ZCCHC17: variants seen among roughly 807,000 people sequenced by gnomAD.
ZCCHC17 encodes the protein zinc finger CCHC domain-containing protein 17.
ZCCHC17 carries 18 observed loss-of-function variants against 30.6 expected under a neutral mutation model. The observed-to-expected ratio is 0.59, with a 90% CI of 0.41 to 0.87. ZCCHC17 has a LOEUF of 0.87. Among genes scored for constraint, ZCCHC17 ranks in the 40% least tolerant of loss-of-function variants. ZCCHC17 has a pLI of 0.00. For missense variants in ZCCHC17, 263 were observed against 284.2 expected (o/e 0.93, Z 0.54); for synonymous variants, 88 against 92.4 (o/e 0.95, Z 0.27).
intron 5 of ZCCHC17, among the ~76,000 whole-genome samples, chr1:31,339,999 C>G (rs577144853): frequency 6.2e-4 from 77 of 125,084 alleles, no homozygotes; most frequent in African/African-American, 2.1e-3. Context: ...TGGGGTCGCC[C>G]AGGTTGGAGT....
chr1:31,315,386 A>C (rs1411722248), intron 2 of ZCCHC17, among the ~76,000 whole-genome samples: 1 of 152,180 alleles, frequency 6.6e-6, no homozygotes, highest in East Asian at 1.9e-4. Context: ...GTAATTAAAT[A>C]GCTGAGAAGC....
chr1:31,354,322 C>A (rs1639567967), intron 7 of ZCCHC17, among the ~76,000 whole-genome samples: 1 of 152,128 alleles, frequency 6.6e-6, no homozygotes, highest in African/African-American at 2.4e-5. Flanking sequence ...CTCGTTCTAA[C>A]AGGATTTTTT....
At chr1:31,335,014 T>C (rs1638756926) in intron 3 of ZCCHC17, among the ~76,000 whole-genome samples, 1 of 152,230 alleles carries the variant, frequency 6.6e-6, no homozygotes, top group Non-Finnish European at 1.5e-5. Flanking sequence ...AGAAACTTAA[T>C]TGGGAAACAT....
chr1:31,353,071 G>A (rs140979127), intron 7 of ZCCHC17, among the ~76,000 whole-genome samples: 33 of 152,258 alleles, frequency 2.2e-4, no homozygotes, highest in Admixed American at 1.2e-3. Flanking sequence ...ATCCTAATGC[G>A]TGTAAAGTGA....
chr1:31,302,087 G>A (rs993472646), intron 1 of ZCCHC17, among the ~76,000 whole-genome samples: 5 of 152,140 alleles, frequency 3.3e-5, no homozygotes, highest in East Asian at 1.9e-4. Flanking sequence ...AATTAGCTGG[G>A]CATGGTGTTG....
At chr1:31,319,043 G>C in intron 2 of ZCCHC17, 66 bp from the exon 3 acceptor site, 1 of 1,558,214 alleles carries the variant, frequency 6.4e-7, no homozygotes, top group South Asian at 1.2e-5. Context: ...GGGGAGACTA[G>C]GTTAAATGCT....
At chr1:31,303,112 AC>A (rs1051242321) in intron 1 of ZCCHC17, among the ~76,000 whole-genome samples, 6 of 140,740 alleles carry the variant, frequency 4.3e-5, no homozygotes, top group Admixed American at 2.1e-4. Context: ...TCCAGTCTCT[AC>A]CCCCCCTCAA....
chr1:31,342,671 T>G (rs1316971930), intron 5 of ZCCHC17, among the ~76,000 whole-genome samples: 1 of 152,198 alleles, frequency 6.6e-6, no homozygotes, highest in Non-Finnish European at 1.5e-5. Context: ...TAATGCTCCT[T>G]CACCTGCTGC....
At chr1:31,304,272 C>CTTT (rs5773350) in intron 1 of ZCCHC17, among the ~76,000 whole-genome samples, 9 of 146,642 alleles carry the variant, frequency 6.1e-5, no homozygotes, top group Non-Finnish European at 9.0e-5. Context: ...GTTATATACT[C>CTTT]TTTTTTTTTT....
chr1:31,340,771 T>C (rs889056187), intron 5 of ZCCHC17, among the ~76,000 whole-genome samples: 4 of 152,246 alleles, frequency 2.6e-5, no homozygotes, highest in East Asian at 1.9e-4. Flanking sequence ...ATGACAATTA[T>C]GTCATTGATG....
At chr1:31,319,276 T>G (rs900286622) in intron 3 of ZCCHC17, 110 bp downstream of exon 3, 18 of 917,616 alleles carry the variant, frequency 2.0e-5, no homozygotes, top group Non-Finnish European at 1.8e-5. Flanking sequence ...TTTCATTCCT[T>G]TGTTTTCTTT....
intron 1 of ZCCHC17, among the ~76,000 whole-genome samples, chr1:31,304,267 A>G (rs1646389838): frequency 7.2e-6 from 1 of 138,566 alleles, no homozygotes; most frequent in African/African-American, 2.5e-5. Flanking sequence ...TTAATGTTAT[A>G]TACTCTTTTT....
At chr1:31,305,678 G>A (rs891954520) in intron 1 of ZCCHC17, among the ~76,000 whole-genome samples, 6 of 152,096 alleles carry the variant, frequency 3.9e-5, no homozygotes, top group African/African-American at 1.2e-4. Context: ...CTGGTCTCAA[G>A]CATTCCTTCC....
chr1:31,319,373 A>G (rs78262206), intron 3 of ZCCHC17, among the ~76,000 whole-genome samples: 1,548 of 152,316 alleles, frequency 0.01, 16 homozygotes, highest in Non-Finnish European at 0.013. Flanking sequence ...AGACTGGGGT[A>G]TAGCTAACTG....
chr1:31,315,579 A>G (rs1646713946), intron 2 of ZCCHC17, among the ~76,000 whole-genome samples: 1 of 152,206 alleles, frequency 6.6e-6, no homozygotes, highest in Admixed American at 6.5e-5. Flanking sequence ...CTAGAAGTAA[A>G]AAAAAAGTCT....
At chr1:31,311,373 A>G (rs777684500) in intron 2 of ZCCHC17, among the ~76,000 whole-genome samples, 1 of 152,200 alleles carries the variant, frequency 6.6e-6, no homozygotes, top group Non-Finnish European at 1.5e-5. Flanking sequence ...GCTCGTAGTC[A>G]AGACACACTG....
chr1:31,310,814 A>G (rs1191007695), intron 2 of ZCCHC17, among the ~76,000 whole-genome samples: 5 of 152,232 alleles, frequency 3.3e-5, no homozygotes, highest in African/African-American at 9.6e-5. Context: ...CAACAAATAG[A>G]ACCACTATCC....
At chr1:31,327,984 C>T (rs919824557) in intron 3 of ZCCHC17, among the ~76,000 whole-genome samples, 2 of 152,048 alleles carry the variant, frequency 1.3e-5, no homozygotes, top group African/African-American at 4.8e-5. Flanking sequence ...CCCCCGGAAT[C>T]TAAAATAAAG....
At chr1:31,297,598 T>C (rs1646197321) in intron 1 of ZCCHC17, among the ~76,000 whole-genome samples, 1 of 152,200 alleles carries the variant, frequency 6.6e-6, no homozygotes. Flanking sequence ...TGGGGGTATG[T>C]TGTGAACCGG....
Sources: gnomAD v4.1 joint callset for allele counts (sites outside exome capture counted in the v4.1 genomes callset) on GRCh38, gnomAD v4.1.1 for gene constraint, MANE v1.5 for transcripts, NCBI Gene and HGNC (gene_info 2026-07-23, HGNC 2026-07-21) for gene names.